Variants in COL23A1 observed in about 807,000 individuals in gnomAD.
The protein encoded by COL23A1 is collagen alpha-1(XXIII) chain.
A neutral mutation model predicts 99.3 loss-of-function variants in COL23A1; 97 were observed. That is an observed-to-expected ratio of 0.98 (90% CI 0.83 to 1.16). The LOEUF (loss-of-function observed/expected upper bound fraction) is 1.16, where lower values mean the gene tolerates loss of function less well. COL23A1 is among the 50% of genes most tolerant of loss of function. The pLI is 0.00. For missense variants in COL23A1, 762 were observed against 757.4 expected (o/e 1.01, Z -0.07); for synonymous variants, 320 against 308.2 (o/e 1.04, Z -0.40).
chr5:178,548,911 G>T (rs930433977), intron 2 of COL23A1, among the ~76,000 whole-genome samples: 9 of 152,170 alleles, frequency 5.9e-5, no homozygotes, highest in African/African-American at 2.2e-4. Context: ...ATAGTAGTAT[G>T]TTCATACACT....
At chr5:178,399,366 C>T (rs1319925324) in intron 2 of COL23A1, among the ~76,000 whole-genome samples, 4 of 152,216 alleles carry the variant, frequency 2.6e-5, no homozygotes, top group African/African-American at 9.6e-5. Context: ...AGGATCCTGC[C>T]AGCACTCACT....
intron 2 of COL23A1, among the ~76,000 whole-genome samples, chr5:178,494,541 G>A (rs1758098462): frequency 6.6e-6 from 1 of 152,224 alleles, no homozygotes; most frequent in Non-Finnish European, 1.5e-5. Context: ...CTGGCGTGGT[G>A]GCACGTGCCT....
Position 178,590,221 on chromosome 5 carries a change from C to T in COL23A1, c.-24G>A. 1 of 1,208,644 alleles carries T rather than the reference C, an allele frequency of 8.3e-7. No homozygotes were observed. The highest frequency in any genetic ancestry group is 1.0e-6 in the Non-Finnish European group (1 of 972,926). The allele number at this position is 1,208,644 out of a possible 1,614,324, so 74.9% of individuals were successfully genotyped here. A position where few individuals can be genotyped will look rare whatever the true frequency, so the allele number is the denominator to read the frequency against. Reference sequence around the variant, plus strand: ...ATGGCGCGTTCGTCGCGCGTGGACTCTCCGAGGGGGCGGTGCTGCTGGGGC... The same window carrying T: ...ATGGCGCGTTCGTCGCGCGTGGACTTTCCGAGGGGGCGGTGCTGCTGGGGC... On this transcript the variant is annotated 5_prime_UTR_variant, in exon 1 of 29. Transcript: ENST00000390654. The surrounding 1 kb of genome is among the most constrained non-coding windows in gnomAD (Gnocchi z 5.7).
chr5:178,290,680 CTACT>C (rs1213571991), intron 3 of COL23A1, among the ~76,000 whole-genome samples: 1 of 152,182 alleles, frequency 6.6e-6, no homozygotes, highest in African/African-American at 2.4e-5. Flanking sequence ...GAACATGTTC[CTACT>C]TAAAGGACAA....
chr5:178,432,349 T>C lies in COL23A1; in HGVS notation c.362-125430A>G, dbSNP rs145250810. Among the ~76,000 whole-genome samples, 271 of 152,296 alleles carry C rather than the reference T, an allele frequency of 1.8e-3. 2 individuals are homozygous for C. The highest frequency in any genetic ancestry group is 6.3e-3 in the African/African-American group (263 of 41,552). On this transcript the variant is annotated intron_variant, in intron 2 of 28. Transcript: ENST00000390654. ...TTGAAAAGCCAAACAGAGGACATTT[T>C]AAATGACCCACAGGTTTGCAACAGC...
At chr5:178,252,679 T>A (rs2973751) in intron 16 of COL23A1, 82 bp from the exon 17 acceptor site, 1 of 1,269,118 alleles carries the variant, frequency 7.9e-7, no homozygotes, top group East Asian at 2.5e-5. Context: ...CCACCTGGAA[T>A]CAAGTCCCCG....
chr5:178,407,682 A>G (rs914287486), intron 2 of COL23A1, among the ~76,000 whole-genome samples: 2 of 152,238 alleles, frequency 1.3e-5, no homozygotes, highest in Non-Finnish European at 1.5e-5. Flanking sequence ...AACACAAGAA[A>G]TGACATGAAA....
chr5:178,301,896 T>C (rs1217328803), intron 3 of COL23A1, among the ~76,000 whole-genome samples: 1 of 147,880 alleles, frequency 6.8e-6, no homozygotes, highest in Non-Finnish European at 1.5e-5. Flanking sequence ...TCCACCTCTG[T>C]GTGCGCCGCA....
intron 1 of COL23A1, among the ~76,000 whole-genome samples, chr5:178,567,724 G>C (rs1447796509): frequency 6.6e-6 from 1 of 152,182 alleles, no homozygotes; most frequent in South Asian, 2.1e-4. Flanking sequence ...ACCTGAAAGA[G>C]CTTAGAATGG....
At chr5:178,257,690 G>C in intron 12 of COL23A1, 123 bp from the exon 13 acceptor site, 1 of 983,344 alleles carries the variant, frequency 1.0e-6, no homozygotes, top group Non-Finnish European at 1.6e-6. Context: ...ATGGTACCAG[G>C]CAGCTCCTCC....
At chr5:178,289,165 C>T (rs1238946300) in intron 4 of COL23A1, among the ~76,000 whole-genome samples, 6 of 151,822 alleles carry the variant, frequency 4.0e-5, no homozygotes, top group East Asian at 1.9e-4. Context: ...GCCCAGATTC[C>T]GAAGGGCACT....
chr5:178,413,348 C>G (rs1015182626), intron 2 of COL23A1, among the ~76,000 whole-genome samples: 6 of 152,120 alleles, frequency 3.9e-5, no homozygotes, highest in Non-Finnish European at 7.4e-5. Context: ...AGATTTTTAC[C>G]CTTTAAATTA....
intron 2 of COL23A1, among the ~76,000 whole-genome samples, chr5:178,503,575 A>G (rs914868480): frequency 2.6e-5 from 4 of 152,230 alleles, no homozygotes; most frequent in Admixed American, 6.5e-5. Context: ...GGGGCTGCAC[A>G]TAAGGTGACC....
At chr5:178,245,894 TACAC>T in intron 25 of COL23A1, 44 bp downstream of exon 25, 3 of 1,607,294 alleles carry the variant, frequency 1.9e-6, no homozygotes, top group Non-Finnish European at 2.6e-6. Flanking sequence ...GGGCAGAAGA[TACAC>T]ACAAGAGGCA....
At chr5:178,435,931 G>A (rs150632721) in intron 2 of COL23A1, among the ~76,000 whole-genome samples, 125 of 152,286 alleles carry the variant, frequency 8.2e-4, no homozygotes, top group African/African-American at 2.9e-3. Flanking sequence ...ACTCTTGCCC[G>A]GGATGAGTTT....
intron 2 of COL23A1, among the ~76,000 whole-genome samples, chr5:178,518,143 C>CT (rs1257280394): frequency 1.5e-5 from 2 of 137,380 alleles, no homozygotes; most frequent in Admixed American, 7.2e-5. Context: ...CAAAGCACAT[C>CT]TTGCACCGCC....
chr5:178,288,501 G>T (rs565632932), intron 4 of COL23A1, 151 bp from the exon 5 acceptor site: 15 of 749,694 alleles, frequency 2.0e-5, no homozygotes, highest in Middle Eastern at 2.6e-4. Context: ...GGCTCCAGGG[G>T]TCTTGGGGGC....
At chr5:178,550,711 G>T (rs968572661) in intron 2 of COL23A1, among the ~76,000 whole-genome samples, 2 of 152,120 alleles carry the variant, frequency 1.3e-5, no homozygotes, top group African/African-American at 4.8e-5. Context: ...CCCAGGAAAG[G>T]CCGCTACAGC....
At chr5:178,550,637 GAAT>G (rs1761948025) in intron 2 of COL23A1, among the ~76,000 whole-genome samples, 1 of 152,140 alleles carries the variant, frequency 6.6e-6, no homozygotes, top group South Asian at 2.1e-4. Context: ...AATCCATGTG[GAAT>G]ATACCCCGGC....
Sources: allele counts gnomAD v4.1 joint callset (sites outside exome capture counted in the v4.1 genomes callset), GRCh38; gene constraint gnomAD v4.1.1; non-coding constraint Gnocchi (gnomAD v3.1); transcripts MANE v1.5; gene names NCBI Gene and HGNC (gene_info 2026-07-23, HGNC 2026-07-21).